CYP26C1: variants seen among roughly 807,000 people sequenced by gnomAD.
The protein encoded by CYP26C1 is cytochrome P450 26C1.
Under a neutral mutation model 39.1 loss-of-function variants are expected in CYP26C1, and 41 were observed. The ratio of observed to expected loss-of-function variants is 1.05; its 90% CI spans 0.82 to 1.36. The LOEUF is 1.36. Among genes scored for constraint, CYP26C1 ranks in the 40% most tolerant of loss-of-function variants. The pLI is 0.00. For missense variants in CYP26C1, 833 were observed against 752.0 expected, an observed-to-expected ratio of 1.11 and a Z score of -1.26; for synonymous variants, 362 against 350.8, an observed-to-expected ratio of 1.03 and a Z score of -0.36.
chr10:93,067,552 A>G (rs1846843661), intron 5 of CYP26C1, among the ~76,000 whole-genome samples: 1 of 152,242 alleles, frequency 6.6e-6, no homozygotes, highest in Non-Finnish European at 1.5e-5. Context: ...ACTGATGTCT[A>G]GAGAGGAAAG....
Position 93,066,196 on chromosome 10 carries a change from T to C in CYP26C1, c.1102T>C (p.Tyr368His). The change falls in exon 5 of 6, where the codon TAC (tyrosine) becomes CAC (histidine). Residue 368 changes from tyrosine (Y) to histidine (H), a missense_variant. By Grantham distance (83) the Tyr-to-His change is moderately conservative. Transcript: ENST00000651965. ...LSLAALGRLRYVDCVVKEVLR... is the reference protein window; with the variant it reads ...LSLAALGRLRHVDCVVKEVLR... ...CCTCGCGGCGCTGGGCCGTCTGCGC[T>C]ACGTCGACTGCGTGGTCAAGGAGGT... The C allele has an allele frequency of 6.8e-7, 1 of 1,475,504 alleles. No homozygotes were observed. Among genetic ancestry groups the C allele is most frequent in the Non-Finnish European group, 9.0e-7 (1 of 1,115,622 alleles). The allele number at this position is 1,475,504 out of a possible 1,614,324, so 91.4% of individuals were successfully genotyped here.
Position 93,069,273 on chromosome 10 carries a change from C to G in CYP26C1, c.*576C>G, listed in dbSNP as rs929491581. 6.6e-6 allele frequency: 1 copy of G among 152,256 alleles called. No individual in the cohort carries two copies. The highest frequency in any genetic ancestry group is 1.5e-5 in the Non-Finnish European group (1 of 68,076). 9.4% of individuals were successfully genotyped at this position (152,256 alleles called of 1,614,324 possible). Reference sequence around the variant, plus strand: ...GCTTCGTGCGCCTTGGCCACTCTGCCGGTCTCGGCGGAAACTAGCAACTGT... The same window carrying G: ...GCTTCGTGCGCCTTGGCCACTCTGCGGGTCTCGGCGGAAACTAGCAACTGT... On this transcript the variant is annotated 3_prime_UTR_variant, in exon 6 of 6. Transcript: ENST00000651965.
At chr10:93,068,019 AAC>A (rs1846848378) in intron 5 of CYP26C1, among the ~76,000 whole-genome samples, 1 of 152,200 alleles carries the variant, frequency 6.6e-6, no homozygotes, top group South Asian at 2.1e-4. Flanking sequence ...CCGTTTACTG[AAC>A]ACTCATATGT....
At chr10:93,064,824 T>C (rs1590136740) in intron 4 of CYP26C1, 1 of 1,103,270 alleles carries the variant, frequency 9.1e-7, no homozygotes, top group East Asian at 5.6e-5. Context: ...CTCCTTTCCT[T>C]CCCCCACTGC....
intron 3 of CYP26C1, chr10:93,063,485 G>A (rs1258678969): frequency 1.2e-5 from 12 of 987,080 alleles, no homozygotes; most frequent in South Asian, 4.7e-5. Flanking sequence ...CCCTGGACCC[G>A]CTAGGTTTCG....
rs950625992 is a variant in CYP26C1, at chr10:93,062,862, G to T, written c.572G>T (p.Arg191Leu). 27 of 1,601,310 alleles carry T rather than the reference G, an allele frequency of 1.7e-5. No individual in the cohort carries two copies. Among genetic ancestry groups the T allele is most frequent in the Non-Finnish European group, 2.2e-5 (26 of 1,178,454 alleles). Reference sequence around the variant, plus strand: ...GACGCCTCCAAAGCGCTCACCTTCCGCATGGCCGCGCGCATCCTGCTGGGG... The same window carrying T: ...GACGCCTCCAAAGCGCTCACCTTCCTCATGGCCGCGCGCATCCTGCTGGGG... ...VYDASKALTF[R>L]MAARILLGLR... Residue 191 changes from arginine to leucine, a missense_variant, in exon 3 of 6, where the codon CGC becomes CTC. Transcript: ENST00000651965.
chr10:93,062,059 A>G lies in CYP26C1; in HGVS notation c.254A>G (p.Lys85Arg), dbSNP rs1417330931. 1 of 1,581,594 alleles carries G rather than the reference A, an allele frequency of 6.3e-7. No individual in the cohort carries two copies. The highest frequency in any genetic ancestry group is 2.3e-5 in the East Asian group (1 of 43,568). ...CGAGAGCGCTATGGGACAGTGTTCA[A>G]GACGCACCTGCTGGGCAGGCCAGTG... ...SRRERYGTVFKTHLLGRPVIR... is the reference protein window; with the variant it reads ...SRRERYGTVFRTHLLGRPVIR... Residue 85 changes from lysine to arginine, a missense_variant, in exon 2 of 6, where the codon AAG (lysine) becomes AGG (arginine). Lys to Arg is a conservative substitution (Grantham distance 26). Coordinates refer to ENST00000651965, the MANE Select transcript of CYP26C1 (RefSeq NM_183374.3).
chr10:93,068,332 C>A lies in CYP26C1; in HGVS notation c.1204C>A (p.Pro402Thr), dbSNP rs1426506174. The change falls in exon 6 of 6, where the codon CCC (proline) becomes ACC (threonine). Residue 402 changes from proline (P) to threonine (T), a missense_variant. Transcript: ENST00000651965. ...CGCCTCTCTGCAGGGCTACCAGATC[C>A]CCAAGGGCTGGAGCGTGATGTATAG... Reference protein sequence around the residue: ...RTFELDGYQIPKGWSVMYSIR... With the variant: ...RTFELDGYQITKGWSVMYSIR... The A allele has an allele frequency of 6.6e-7, 1 of 1,522,120 alleles. No homozygotes were observed. Among genetic ancestry groups the A allele is most frequent in the Non-Finnish European group, 8.8e-7 (1 of 1,137,054 alleles). 94.3% of individuals were successfully genotyped at this position (1,522,120 alleles called of 1,614,324 possible). A position where few individuals can be genotyped will look rare whatever the true frequency, so the allele number is the denominator to read the frequency against.
Position 93,061,470 on chromosome 10 carries a change from G to A in CYP26C1, c.204+3G>A. The A allele has an allele frequency of 6.5e-7, 1 of 1,549,816 alleles. No individual in the cohort carries two copies. The highest frequency in any genetic ancestry group is 8.7e-7 in the Non-Finnish European group (1 of 1,147,324). ...AAACGCTGCACTGGTTAGTTCAGGT[G>A]AGCAGTCCTTCGACCCCGAGCGCTA... is the stretch of plus-strand genomic sequence containing the variant. On this transcript the variant is annotated splice_donor_region_variant and intron_variant, in intron 1 of 5. Transcript: ENST00000651965.
Position 93,063,918 on chromosome 10 carries a change from C to T in CYP26C1, c.706-463C>T, listed in dbSNP as rs570466795. The T allele has an allele frequency of 1.6e-3, 1,623 of 987,210 alleles. 3 individuals are homozygous for T. The highest frequency in any genetic ancestry group is 1.9e-3 in the Non-Finnish European group (1,543 of 831,160). The allele number at this position is 987,210 out of a possible 1,614,324, so 61.2% of individuals were successfully genotyped here. ...CTGGAGAGGCATCCCCTATTGCCCA[C>T]GCTCTTACAGAGGCTAATGCTTACA... On this transcript the variant is annotated intron_variant, in intron 3 of 5. Coordinates refer to ENST00000651965, the MANE Select transcript of CYP26C1 (RefSeq NM_183374.3).
At chr10:93,064,680 T>G in intron 4 of CYP26C1, 144 bp downstream of exon 4, 2 of 1,426,802 alleles carry the variant, frequency 1.4e-6, no homozygotes, top group Non-Finnish European at 1.8e-6. Flanking sequence ...AGAGGAGACC[T>G]GGGTTCCAGT....
intron 5 of CYP26C1, 126 bp downstream of exon 5, chr10:93,066,411 C>A: frequency 1.1e-6 from 1 of 920,526 alleles, no homozygotes; most frequent in Non-Finnish European, 1.4e-6. Flanking sequence ...GCGCGGTCAC[C>A]TCTTTTGCCC....
chr10:93,061,286 G>A lies in CYP26C1; in HGVS notation c.23G>A (p.Cys8Tyr), dbSNP rs1490893366. The A allele has an allele frequency of 6.3e-7, 1 of 1,591,128 alleles. No homozygotes were observed. The highest frequency in any genetic ancestry group is 1.7e-5 in the Admixed American group (1 of 57,150). The change falls in exon 1 of 6, where the codon TGC (cysteine) becomes TAC (tyrosine). Residue 8 changes from cysteine to tyrosine, a missense_variant. Coordinates refer to ENST00000651965, the MANE Select transcript of CYP26C1 (RefSeq NM_183374.3). The part of the protein sequence containing the change: MFPWGLS[C>Y]LSVLGAAGTA... ...ATCATGTTCCCTTGGGGGCTGAGCT[G>A]CCTGTCAGTGCTGGGGGCGGCGGGC...
At position 93,066,002 on chromosome 10, in the gene CYP26C1, G is replaced by C. The variant is rs2134414328; in HGVS notation, c.908G>C (p.Ser303Thr). 2 of 1,582,252 alleles carry C rather than the reference G, an allele frequency of 1.3e-6. No individual in the cohort carries two copies. The highest frequency in any genetic ancestry group is 1.1e-5 in the South Asian group (1 of 88,692). Reference sequence around the variant, plus strand: ...TTCGCCGCCTTCTTCACCACGGCCAGTGCCAGCACCTCGCTCGTCCTGCTG... The same window carrying C: ...TTCGCCGCCTTCTTCACCACGGCCACTGCCAGCACCTCGCTCGTCCTGCTG... The part of the protein sequence containing the change: ...LLFAAFFTTA[S>T]ASTSLVLLLL... Residue 303 changes from serine to threonine, a missense_variant, in exon 5 of 6, where the codon AGT becomes ACT. Ser to Thr is a moderately conservative substitution (Grantham distance 58, BLOSUM62 1). Transcript: ENST00000651965.
At chr10:93,061,608 C>A (rs1410334991) in intron 1 of CYP26C1, 141 bp downstream of exon 1, 7 of 1,058,280 alleles carry the variant, frequency 6.6e-6, no homozygotes, top group Non-Finnish European at 9.3e-6. Flanking sequence ...GCGCACAACT[C>A]TCGCCTTTAC....
chr10:93,066,715 C>T (rs1238325585), intron 5 of CYP26C1, among the ~76,000 whole-genome samples: 1 of 152,320 alleles, frequency 6.6e-6, no homozygotes, highest in Non-Finnish European at 1.5e-5. Flanking sequence ...GATGAAGGAA[C>T]CCCTCATTGC....
At position 93,063,296 on chromosome 10, in the gene CYP26C1, A is replaced by G. The variant is rs920120490; in HGVS notation, c.705+301A>G. ...CGCCAGAGTTTGGGGTCTCGGTGGC[A>G]GGCGTCCTGCCAGTCGGTCGGACTC... is the stretch of plus-strand genomic sequence containing the variant. On this transcript the variant is annotated intron_variant, in intron 3 of 5. Transcript: ENST00000651965. The G allele has an allele frequency of 9.7e-4, 1,124 of 1,156,000 alleles. 3 individuals are homozygous for G. The highest frequency in any genetic ancestry group is 9.9e-4 in the Non-Finnish European group (928 of 940,044). The allele number at this position is 1,156,000 out of a possible 1,614,324, so 71.6% of individuals were successfully genotyped here.
rs760476356 is a variant in CYP26C1 at position 93,062,096 on chromosome 10, C to T, written c.291C>T (p.Ser97=). Residue 97 remains serine (S), a synonymous_variant, in exon 2 of 6, where the codon AGC becomes AGT. Coordinates refer to ENST00000651965, the MANE Select transcript of CYP26C1 (RefSeq NM_183374.3). ...HLLGRPVIRV[S]GAENVRTILL... is the part of the protein sequence containing the mutation. ...TGGGCAGGCCAGTGATCCGCGTGAG[C>T]GGCGCGGAGAACGTGCGCACCATCC... 3.2e-6 allele frequency: 5 copies of T among 1,571,856 alleles called. No individual in the cohort carries two copies. Among genetic ancestry groups the T allele is most frequent in the South Asian group, 1.2e-5 (1 of 85,480 alleles).
In CYP26C1 at chr10:93,060,985, G is replaced by A. The variant is rs1196435829; in HGVS notation, c.-279G>A. 14 of 472,094 alleles carry A rather than the reference G, an allele frequency of 3.0e-5. No individual in the cohort carries two copies. Among genetic ancestry groups the A allele is most frequent in the Non-Finnish European group, 5.2e-5 (14 of 270,054 alleles). 29.2% of individuals were successfully genotyped at this position (472,094 alleles called of 1,614,324 possible). On this transcript the variant is annotated 5_prime_UTR_variant, in exon 1 of 6. Coordinates refer to ENST00000651965, the MANE Select transcript of CYP26C1 (RefSeq NM_183374.3). ...TTCCCGAGGCAGCAGGCACCTTCGA[G>A]AGGGACTGGCATTTGGGCCCAGGAG...
Sources: gnomAD v4.1 joint callset for allele counts (sites outside exome capture counted in the v4.1 genomes callset) on GRCh38, gnomAD v4.1.1 for gene constraint, MANE v1.5 for transcripts, NCBI Gene and HGNC (gene_info 2026-07-23, HGNC 2026-07-21) for gene names.